Variants in PUS7L observed in about 807,000 individuals in gnomAD.
PUS7L encodes pseudouridine synthase 7 like.
Under a neutral mutation model 51.1 loss-of-function variants are expected in PUS7L, and 49 were observed. The observed-to-expected ratio is 0.96, with a 90% CI of 0.76 to 1.22. The LOEUF is 1.22. Among genes scored for constraint, PUS7L ranks in the 50% most tolerant of loss-of-function variants. The pLI is 0.00. For synonymous variants in PUS7L, 277 were observed against 276.2 expected, an observed-to-expected ratio of 1.00 and a Z score of -0.03; for missense variants, 828 against 820.6, an observed-to-expected ratio of 1.01 and a Z score of -0.11.
In PUS7L at chr12:43,754,539, T is replaced by C. The variant is rs753114811; in HGVS notation, c.707A>G (p.Asp236Gly). 2 of 1,612,424 alleles carry C rather than the reference T, an allele frequency of 1.2e-6. No homozygotes were observed. Among genetic ancestry groups the C allele is most frequent in the East Asian group, 2.2e-5 (1 of 44,862 alleles). Residue 236 changes from aspartate to glycine, a missense_variant, in exon 2 of 9, where the codon GAT (aspartate) becomes GGT (glycine). By Grantham distance (94) the Asp-to-Gly change is moderately conservative. Transcript: ENST00000344862. ...KENSKFTFKP[D>G]TNKDHRKAVH... ...AGCTTTTCTGTGGTCTTTGTTTGTATCAGGTTTAAAGGTAAATTTGGAATT... is the reference window on the plus strand; with the variant it reads ...AGCTTTTCTGTGGTCTTTGTTTGTACCAGGTTTAAAGGTAAATTTGGAATT...
intron 6 of PUS7L, 38 bp from the exon 7 acceptor site, chr12:43,736,699 T>C (rs1414888336): frequency 6.3e-7 from 1 of 1,577,630 alleles, no homozygotes; most frequent in South Asian, 1.2e-5. Context: ...TTAGCCACTT[T>C]TATTTAAAGG....
Position 43,733,758 on chromosome 12 carries a change from G to T in PUS7L, c.1726-2000C>A, listed in dbSNP as rs142508664. The stretch of plus-strand genomic sequence containing the variant: ...CGATTTTTTATTATTTATCAAAAGG[G>T]GATCATTGACATATCTCTTCTCCCC... On this transcript the variant is annotated intron_variant, in intron 7 of 8. Transcript: ENST00000344862. 7.4e-3 allele frequency among the ~76,000 whole-genome samples: 1,119 copies of T among 151,926 alleles called. 8 individuals are homozygous for T. Among genetic ancestry groups the T allele is most frequent in the Non-Finnish European group, 0.012 (788 of 67,982 alleles).
intron 4 of PUS7L, 102 bp from the exon 5 acceptor site, chr12:43,742,657 ACT>A (rs1937960050): frequency 7.0e-7 from 1 of 1,426,728 alleles, no homozygotes; most frequent in East Asian, 2.6e-5. Flanking sequence ...TAACAGAATA[ACT>A]CTGTAATCAG....
At position 43,748,570 on chromosome 12, in the gene PUS7L, G is replaced by T. The variant is rs780487091; in HGVS notation, c.950C>A (p.Ala317Glu). Residue 317 changes from alanine (A) to glutamate (E), a missense_variant, in exon 3 of 9, where the codon GCG becomes GAG. Physicochemically the swap from Ala to Glu is moderately radical, Grantham distance 107. Transcript: ENST00000344862. ...LRKENLEMFE[A>E]IGFLAIKLGV... is the part of the protein sequence containing the mutation. Reference sequence around the variant, plus strand: ...AAGTTTGATAGCTAAAAAACCAATCGCTTCAAACATTTCCAGGTTTTCCTT... The same window carrying T: ...AAGTTTGATAGCTAAAAAACCAATCTCTTCAAACATTTCCAGGTTTTCCTT... 1 of 1,601,116 alleles carries T rather than the reference G, an allele frequency of 6.2e-7. No individual in the cohort carries two copies. The highest frequency in any genetic ancestry group is 2.2e-5 in the East Asian group (1 of 44,742).
At position 43,736,565 on chromosome 12, in the gene PUS7L, C is replaced by T. The variant is rs147049884; in HGVS notation, c.1541G>A (p.Gly514Asp). The change falls in exon 7 of 9, where the codon GGT (glycine) becomes GAT (aspartate). Residue 514 changes from glycine (G) to aspartate (D), a missense_variant. Physicochemically the swap from Gly to Asp is moderately conservative, Grantham distance 94 (BLOSUM62 -1). Coordinates refer to ENST00000344862, the MANE Select transcript of PUS7L (RefSeq NM_031292.5). ...TAAAGAGAACCATGCCTGGATACAACCTTCCTCGGTCATGCCAAAGCGGTG... is the reference window on the plus strand; with the variant it reads ...TAAAGAGAACCATGCCTGGATACAATCTTCCTCGGTCATGCCAAAGCGGTG... ...ALHRFGMTEE[G>D]CIQAWFSLPH... The T allele has an allele frequency of 1.1e-5, 17 of 1,614,200 alleles. No individual in the cohort carries two copies. Among genetic ancestry groups the T allele is most frequent in the Admixed American group, 3.3e-5 (2 of 60,026 alleles).
rs1017152984 is a variant in PUS7L, at chr12:43,728,655, C to G, written c.*1721G>C. On this transcript the variant is annotated 3_prime_UTR_variant, in exon 9 of 9. Coordinates refer to ENST00000344862, the MANE Select transcript of PUS7L (RefSeq NM_031292.5). Reference sequence around the variant, plus strand: ...TTGCCAAAACATATAACAAAAAAAACTTTTTAGTATTAAAAAAAATCCAAA... The same window carrying G: ...TTGCCAAAACATATAACAAAAAAAAGTTTTTAGTATTAAAAAAAATCCAAA... The G allele has an allele frequency of 6.6e-6, 1 of 151,992 alleles. No individual in the cohort carries two copies. The highest frequency in any genetic ancestry group is 1.5e-5 in the Non-Finnish European group (1 of 67,934). 9.4% of individuals were successfully genotyped at this position (151,992 alleles called of 1,614,324 possible). A position where few individuals can be genotyped will look rare whatever the true frequency, so the allele number is the denominator to read the frequency against.
intron 8 of PUS7L, among the ~76,000 whole-genome samples, chr12:43,731,449 C>G (rs1944551640): frequency 6.6e-6 from 1 of 151,978 alleles, no homozygotes; most frequent in Admixed American, 6.6e-5. Context: ...GGAATGGGCG[C>G]AGGAAAATTT....
chr12:43,746,201 T>C lies in PUS7L; in HGVS notation c.1108A>G (p.Met370Val). The change falls in exon 4 of 9, where the codon ATG (methionine) becomes GTG (valine). Residue 370 changes from methionine to valine, a missense_variant. Physicochemically the swap from Met to Val is conservative, Grantham distance 21. Coordinates refer to ENST00000344862, the MANE Select transcript of PUS7L (RefSeq NM_031292.5). ...ACAGACCGAATATTAAAGACATTCA[T>C]TCTTTTCTTTTCAATTTCTTTTTCA... ...NIEKEIEKKR[M>V]NVFNIRSVDD... The C allele has an allele frequency of 1.4e-6, 2 of 1,452,708 alleles. No individual in the cohort carries two copies. 90.0% of individuals were successfully genotyped at this position (1,452,708 alleles called of 1,614,324 possible).
Position 43,727,166 on chromosome 12 carries a change from T to C in PUS7L, c.*3210A>G, listed in dbSNP as rs1944466228. 1 of 152,138 alleles carries C rather than the reference T, an allele frequency of 6.6e-6. No individual in the cohort carries two copies. The highest frequency in any genetic ancestry group is 2.1e-4 in the South Asian group (1 of 4,834). 9.4% of individuals were successfully genotyped at this position (152,138 alleles called of 1,614,324 possible). ...ATCTCACACCAGTCAGAATGGCTGTTATTAAAAAGTCAAAAAATAACAGAT... is the reference window on the plus strand; with the variant it reads ...ATCTCACACCAGTCAGAATGGCTGTCATTAAAAAGTCAAAAAATAACAGAT... On this transcript the variant is annotated 3_prime_UTR_variant, in exon 9 of 9. Coordinates refer to ENST00000344862, the MANE Select transcript of PUS7L (RefSeq NM_031292.5).
intron 7 of PUS7L, 109 bp from the exon 8 acceptor site, chr12:43,731,867 A>G: frequency 1.5e-6 from 1 of 665,970 alleles, no homozygotes; most frequent in South Asian, 1.8e-5. Flanking sequence ...TATGCTGAAT[A>G]TACATAAACC....
intron 2 of PUS7L, among the ~76,000 whole-genome samples, chr12:43,753,449 A>G (rs763900809): frequency 6.6e-6 from 1 of 152,198 alleles, no homozygotes; most frequent in Non-Finnish European, 1.5e-5. Context: ...CCAAGGTCCA[A>G]ACTCTTTTCA....
rs1458169895 is a variant in PUS7L, at chr12:43,728,129, G to A, written c.*2247C>T. ...CCCCAGCAAAACTGCAAAAACCTAAGTGACTAGTCATCAGTTGGTCCAAAG... is the reference window on the plus strand; with the variant it reads ...CCCCAGCAAAACTGCAAAAACCTAAATGACTAGTCATCAGTTGGTCCAAAG... On this transcript the variant is annotated 3_prime_UTR_variant, in exon 9 of 9. Transcript: ENST00000344862. The A allele has an allele frequency of 6.7e-6, 1 of 150,310 alleles. No individual in the cohort carries two copies. The highest frequency in any genetic ancestry group is 2.4e-5 in the African/African-American group (1 of 41,020). 9.3% of individuals were successfully genotyped at this position (150,310 alleles called of 1,614,324 possible).
chr12:43,732,143 A>G (rs1944571570), intron 7 of PUS7L, among the ~76,000 whole-genome samples: 1 of 151,830 alleles, frequency 6.6e-6, no homozygotes, highest in Non-Finnish European at 1.5e-5. Flanking sequence ...CCCCGAAAAT[A>G]TAATAATCTA....
rs1302840288 is a variant in PUS7L, at chr12:43,721,681, A to G, written c.*8695T>C. 3 of 152,180 alleles carry G rather than the reference A, an allele frequency of 2.0e-5. No individual in the cohort carries two copies. Among genetic ancestry groups the G allele is most frequent in the Non-Finnish European group, 4.4e-5 (3 of 68,016 alleles). The allele number at this position is 152,180 out of a possible 1,614,324, so 9.4% of individuals were successfully genotyped here. On this transcript the variant is annotated 3_prime_UTR_variant, in exon 9 of 9. Coordinates refer to ENST00000344862, the MANE Select transcript of PUS7L (RefSeq NM_031292.5). ...CATGAGATGGTAGAGAACTATACAA[A>G]AGGCTATGAGAACACAGATTTCACA...
chr12:43,730,498 C>G lies in PUS7L; in HGVS notation c.1984G>C (p.Asp662His), dbSNP rs1284540141. 1 of 1,613,664 alleles carries G rather than the reference C, an allele frequency of 6.2e-7. No homozygotes were observed. The highest frequency in any genetic ancestry group is 1.3e-5 in the African/African-American group (1 of 74,928). The change falls in exon 9 of 9, where the codon GAT (aspartate) becomes CAT (histidine). Residue 662 changes from aspartate (D) to histidine (H), a missense_variant. By Grantham distance (81) the Asp-to-His change is moderately conservative (BLOSUM62 -1). Transcript: ENST00000344862. ...SYQLMEDHDI[D>H]VKTKGSHIDE... ...ATGTGGGAACCTTTCGTTTTGACAT[C>G]AATGTCATGATCTTCCATTAGTTGG...
At chr12:43,758,262 T>C in intron 1 of PUS7L, 1 of 957,758 alleles carries the variant, frequency 1.0e-6, no homozygotes, top group Middle Eastern at 5.3e-4. Flanking sequence ...AATTCCAGCA[T>C]CCTGGTAGAA....
At chr12:43,731,850 C>A in intron 7 of PUS7L, 92 bp from the exon 8 acceptor site, 1 of 740,596 alleles carries the variant, frequency 1.4e-6, no homozygotes, top group Non-Finnish European at 2.4e-6. Flanking sequence ...ATATATAAAT[C>A]AGTTCCTATG....
At chr12:43,731,452 GA>G (rs1375878819) in intron 8 of PUS7L, among the ~76,000 whole-genome samples, 1 of 152,132 alleles carries the variant, frequency 6.6e-6, no homozygotes, top group Non-Finnish European at 1.5e-5. Context: ...ATGGGCGCAG[GA>G]AAATTTGGAG....
chr12:43,747,195 A>C (rs1938212124), intron 3 of PUS7L, among the ~76,000 whole-genome samples: 1 of 152,232 alleles, frequency 6.6e-6, no homozygotes, highest in Non-Finnish European at 1.5e-5. Context: ...TATAAGTTAC[A>C]GATTTAAGTA....
Sources: gnomAD v4.1 joint callset for allele counts (sites outside exome capture counted in the v4.1 genomes callset) on GRCh38, gnomAD v4.1.1 for gene constraint, MANE v1.5 for transcripts, NCBI Gene and HGNC (gene_info 2026-07-23, HGNC 2026-07-21) for gene names.